C4orf51: variants seen among roughly 807,000 people sequenced by gnomAD.
C4orf51 encodes chromosome 4 open reading frame 51.
A neutral mutation model predicts 25.2 loss-of-function variants in C4orf51; 25 were observed. That is an observed-to-expected ratio of 0.99 (90% CI 0.72 to 1.39). The LOEUF is 1.39. Among genes scored for constraint, C4orf51 ranks in the 40% most tolerant of loss-of-function variants. The pLI is 0.00. For synonymous variants in C4orf51, 100 were observed against 84.5 expected (o/e 1.18, Z -1.01); for missense variants, 252 against 239.6 (o/e 1.05, Z -0.34).
At chr4:145,696,241 A>G (rs1730041302) in intron 1 of C4orf51, among the ~76,000 whole-genome samples, 1 of 152,154 alleles carries the variant, frequency 6.6e-6, no homozygotes, top group African/African-American at 2.4e-5. Flanking sequence ...CAGCCTGGTG[A>G]CAGAGTGAGT....
At chr4:145,735,797 T>C (rs1380263219), downstream of C4orf51, among the ~76,000 whole-genome samples, 1 of 152,240 alleles carries the variant, frequency 6.6e-6, no homozygotes, top group Non-Finnish European at 1.5e-5. Flanking sequence ...GCTTAACTTG[T>C]TCCTTAAAGT....
At position 145,761,139 on chromosome 4, in the gene C4orf51, C is replaced by T. The variant is rs540816289; in HGVS notation, n.167-9849C>T. 36 of 1,289,766 alleles carry T rather than the reference C, an allele frequency of 2.8e-5. No individual in the cohort carries two copies. In the South Asian group the frequency reaches 3.1e-4, roughly 11 times the overall value. 79.9% of individuals were successfully genotyped at this position (1,289,766 alleles called of 1,614,324 possible). A position where few individuals can be genotyped will look rare whatever the true frequency, so the allele number is the denominator to read the frequency against. On this transcript the variant is annotated intron_variant and non_coding_transcript_variant, in intron 1 of 1. Transcript: ENST00000510096. This position sits in a 1 kb window ranked among gnomAD's most constrained non-coding sequence, Gnocchi z 6.8. ...CCAGGAGCGGGGCCCCCGGGCCGGC[C>T]GGTTCCTTGGGGGCTGGACACAGGC... is the stretch of plus-strand genomic sequence containing the variant.
downstream of C4orf51, chr4:145,732,819 G>C (rs1331211736): frequency 3.5e-6 from 1 of 289,170 alleles, no homozygotes; most frequent in Non-Finnish European, 6.4e-6. Context: ...ACATTTCTCT[G>C]CTAGAACCAC....
intron 1 of C4orf51, among the ~76,000 whole-genome samples, chr4:145,692,444 G>C (rs1729647220): frequency 6.6e-6 from 1 of 152,168 alleles, no homozygotes; most frequent in Non-Finnish European, 1.5e-5. Context: ...TTGGCCCAGT[G>C]ACCACCTGTA....
At chr4:145,785,945 C>T in the C4orf51 span, among the ~76,000 whole-genome samples, 1 of 152,104 alleles carries the variant, frequency 6.6e-6, no homozygotes, top group Non-Finnish European at 1.5e-5. Flanking sequence ...AGAATATTTC[C>T]AGGCACAGAG....
At chr4:145,685,175 A>G (rs149715464) in intron 1 of C4orf51, among the ~76,000 whole-genome samples, 92 of 152,320 alleles carry the variant, frequency 6.0e-4, no homozygotes, top group African/African-American at 2.0e-3. Flanking sequence ...CAAGTTCTAC[A>G]GAAACACCTA....
downstream of C4orf51, among the ~76,000 whole-genome samples, chr4:145,736,289 C>T (rs1424205543): frequency 2.0e-5 from 3 of 151,572 alleles, no homozygotes; most frequent in Admixed American, 6.6e-5. Flanking sequence ...TGACAGGTGA[C>T]GAGCACAGCC....
chr4:145,694,384 C>G (rs1180772941), intron 1 of C4orf51, among the ~76,000 whole-genome samples: 4 of 146,952 alleles, frequency 2.7e-5, no homozygotes, highest in Non-Finnish European at 6.0e-5. Context: ...GGGGGTCAGC[C>G]CTCCACCCGG....
chr4:145,775,258 T>G (rs1012158817), downstream of C4orf51, among the ~76,000 whole-genome samples: 4 of 152,160 alleles, frequency 2.6e-5, no homozygotes, highest in Admixed American at 2.6e-4. Flanking sequence ...GGACAAGATT[T>G]GACAGCCAGA....
At chr4:145,688,281 C>T (rs188836980) in intron 1 of C4orf51, among the ~76,000 whole-genome samples, 2 of 150,544 alleles carry the variant, frequency 1.3e-5, no homozygotes, top group East Asian at 1.9e-4. Context: ...CAAAGATGTG[C>T]AAGATCTCCA....
downstream of C4orf51, among the ~76,000 whole-genome samples, chr4:145,754,656 C>T (rs887565010): frequency 1.8e-4 from 28 of 152,328 alleles, no homozygotes; most frequent in East Asian, 7.7e-4. Flanking sequence ...AACTTTAAGC[C>T]GGGCGCAGTG....
At chr4:145,775,699 C>A, downstream of C4orf51, 1 of 1,491,128 alleles carries the variant, frequency 6.7e-7, no homozygotes. Flanking sequence ...GAAAAGGGGC[C>A]TCGTGATGTA....
At chr4:145,694,752 G>GC (rs1345247576) in intron 1 of C4orf51, among the ~76,000 whole-genome samples, 2 of 150,904 alleles carry the variant, frequency 1.3e-5, no homozygotes, top group African/African-American at 4.9e-5. Context: ...GCCCGGCCAA[G>GC]TTTTTAGTTT....
intron 2 of C4orf51, among the ~76,000 whole-genome samples, chr4:145,721,345 A>AAT (rs1731729346): frequency 2.9e-5 from 1 of 34,646 alleles, no homozygotes; most frequent in African/African-American, 2.2e-4. Context: ...ACTCTGTCTC[A>AAT]AAAAAAAAAA....
chr4:145,699,543 C>T (rs1441250241), intron 2 of C4orf51, among the ~76,000 whole-genome samples: 2 of 152,136 alleles, frequency 1.3e-5, no homozygotes, highest in East Asian at 3.8e-4. Context: ...CTTTCATTTT[C>T]TGGTAGAGAC....
chr4:145,711,506 G>A (rs779674514), intron 2 of C4orf51, among the ~76,000 whole-genome samples: 1 of 151,746 alleles, frequency 6.6e-6, no homozygotes, highest in Non-Finnish European at 1.5e-5. Flanking sequence ...CTCCCTTCTG[G>A]TACTTTCTTT....
chr4:145,764,906 T>C, intron 1 of C4orf51: 4 of 1,601,296 alleles, frequency 2.5e-6, no homozygotes, highest in Middle Eastern at 1.7e-4. Context: ...TCCCAAAACC[T>C]TCACGGGAAG....
intron 1 of C4orf51, among the ~76,000 whole-genome samples, chr4:145,685,561 T>C (rs1729101913): frequency 6.6e-6 from 1 of 152,190 alleles, no homozygotes; most frequent in South Asian, 2.1e-4. Context: ...GACTGGGGGC[T>C]GCATGCACTG....
downstream of C4orf51, chr4:145,758,322 C>A (rs1455486502): frequency 2.0e-5 from 3 of 152,162 alleles, no homozygotes; most frequent in African/African-American, 7.2e-5. Flanking sequence ...CCTTCCTTCA[C>A]CTCCTCTCGT....
Sources: gnomAD v4.1 joint callset for allele counts (sites outside exome capture counted in the v4.1 genomes callset) on GRCh38, gnomAD v4.1.1 for gene constraint, Gnocchi (gnomAD v3.1) non-coding constraint, MANE v1.5 for transcripts, NCBI Gene and HGNC (gene_info 2026-07-23, HGNC 2026-07-21) for gene names.